The following NCAM2 variants were observed in gnomAD, a reference collection of about 807,000 sequenced individuals.
NCAM2 encodes the protein neural cell adhesion molecule 2.
In NCAM2, 30 loss-of-function variants were observed where a neutral mutation model predicts 98.1. That is an observed-to-expected ratio of 0.31 (90% CI 0.23 to 0.41). The LOEUF is 0.41. Among genes scored for constraint, NCAM2 ranks in the 10% least tolerant of loss-of-function variants. NCAM2 has a pLI of 1.00. For synonymous variants in NCAM2, 368 were observed against 342.4 expected (o/e 1.07, Z -0.83); for missense variants, 867 against 1,005.8 (o/e 0.86, Z 1.87).
chr21:21,109,482 G>T (rs2066412815), intron 1 of NCAM2, among the ~76,000 whole-genome samples: 1 of 151,968 alleles, frequency 6.6e-6, no homozygotes, highest in Non-Finnish European at 1.5e-5. Context: ...GTGGCAAATT[G>T]CAATAGCTCT....
At chr21:21,210,665 G>A (rs1020943354) in intron 1 of NCAM2, 1 of 1,276,332 alleles carries the variant, frequency 7.8e-7, no homozygotes, top group Admixed American at 2.4e-5. Context: ...CTTGAAGAAG[G>A]GCAACCAGAG....
At chr21:21,411,632 G>T (rs1040729189) in intron 10 of NCAM2, among the ~76,000 whole-genome samples, 6 of 152,016 alleles carry the variant, frequency 3.9e-5, no homozygotes, top group African/African-American at 1.4e-4. Context: ...TAGGAAAATT[G>T]GGAATCTTTT....
At chr21:21,400,783 C>T (rs531346758) in intron 9 of NCAM2, among the ~76,000 whole-genome samples, 1 of 152,004 alleles carries the variant, frequency 6.6e-6, no homozygotes, top group Non-Finnish European at 1.5e-5. Context: ...ATGTAGTAAA[C>T]TACACCAGAG....
intron 12 of NCAM2, among the ~76,000 whole-genome samples, chr21:21,448,103 A>G (rs1980465065): frequency 6.6e-6 from 1 of 152,160 alleles, no homozygotes. Context: ...ACGTATGTTT[A>G]TTGCAGCACT....
intron 1 of NCAM2, among the ~76,000 whole-genome samples, chr21:21,280,147 G>A (rs1449858486): frequency 7.0e-6 from 1 of 143,552 alleles, no homozygotes; most frequent in African/African-American, 2.6e-5. Context: ...TTTTTAGTAG[G>A]TGTCTACATG....
At chr21:21,449,295 A>G (rs1980660390) in intron 12 of NCAM2, among the ~76,000 whole-genome samples, 1 of 152,006 alleles carries the variant, frequency 6.6e-6, no homozygotes, top group Non-Finnish European at 1.5e-5. Context: ...GAAAACAAAT[A>G]TGAATATTTC....
At chr21:21,481,264 T>C (rs540501835) in intron 15 of NCAM2, among the ~76,000 whole-genome samples, 1 of 152,306 alleles carries the variant, frequency 6.6e-6, no homozygotes, top group South Asian at 2.1e-4. Context: ...ACTATCATAT[T>C]ATACTAGAAG....
intron 9 of NCAM2, among the ~76,000 whole-genome samples, chr21:21,389,443 T>C (rs1477037333): frequency 1.3e-5 from 2 of 152,206 alleles, no homozygotes; most frequent in African/African-American, 4.8e-5. Flanking sequence ...ATTGGGAACA[T>C]TCTAAGTCTT....
chr21:21,074,699 G>A (rs8127258), intron 1 of NCAM2, among the ~76,000 whole-genome samples: 5,641 of 152,016 alleles, frequency 0.037, 330 homozygotes, highest in African/African-American at 0.13. Flanking sequence ...AATTAGATGG[G>A]TCAAGCTAAC....
chr21:21,191,396 G>A (rs1437942961), intron 1 of NCAM2, among the ~76,000 whole-genome samples: 1 of 152,048 alleles, frequency 6.6e-6, no homozygotes, highest in Non-Finnish European at 1.5e-5. Context: ...CAAGCATGTA[G>A]CAATGATTTC....
At chr21:21,317,006 T>C (rs2074243669) in intron 5 of NCAM2, among the ~76,000 whole-genome samples, 1 of 152,188 alleles carries the variant, frequency 6.6e-6, no homozygotes, top group South Asian at 2.1e-4. Flanking sequence ...ATCAGCCTGC[T>C]TTGGAAACTG....
rs140053871 is a variant in NCAM2 at position 21,535,066 on chromosome 21, C to T, written c.2402+410C>T. ...TATAAATGTCATTGAAATATACGCA[C>T]GGCTATTTTAAAAAGAAATATTTGT... On this transcript the variant is annotated intron_variant, in intron 17 of 17. Coordinates refer to ENST00000400546, the MANE Select transcript of NCAM2 (RefSeq NM_004540.5). Among the ~76,000 whole-genome samples the T allele has an allele frequency of 2.0e-3, 297 of 152,080 alleles. 2 individuals are homozygous for T. The highest frequency in any genetic ancestry group is 0.016 in the East Asian group (81 of 5,176).
chr21:21,022,470 G>T (rs929809615), intron 1 of NCAM2, among the ~76,000 whole-genome samples: 2 of 151,892 alleles, frequency 1.3e-5, no homozygotes, highest in Non-Finnish European at 2.9e-5. Flanking sequence ...TTCTATAGTA[G>T]AATTGATTTC....
intron 1 of NCAM2, among the ~76,000 whole-genome samples, chr21:21,192,260 A>G (rs572337092): frequency 6.6e-6 from 1 of 151,776 alleles, no homozygotes; most frequent in Non-Finnish European, 1.5e-5. Context: ...CTAAAAAAAA[A>G]CCCGATGAGA....
intron 1 of NCAM2, among the ~76,000 whole-genome samples, chr21:21,225,463 A>C (rs550754359): frequency 1.8e-4 from 28 of 152,178 alleles, no homozygotes; most frequent in Admixed American, 7.2e-4. Context: ...AAGGTGATGA[A>C]ATTTACATAT....
chr21:21,341,903 A>G (rs553827385), intron 8 of NCAM2, among the ~76,000 whole-genome samples: 61 of 152,278 alleles, frequency 4.0e-4, no homozygotes, highest in Admixed American at 2.9e-3. Context: ...ATGCTAAGAT[A>G]ACCTTGACTG....
At chr21:21,370,322 T>A (rs761410221) in intron 8 of NCAM2, among the ~76,000 whole-genome samples, 19 of 151,872 alleles carry the variant, frequency 1.3e-4, no homozygotes, top group Non-Finnish European at 2.5e-4. Flanking sequence ...TATGTAAAAG[T>A]AAACGTGCTA....
chr21:21,322,012 A>G (rs1048258189), intron 5 of NCAM2, among the ~76,000 whole-genome samples: 2 of 152,176 alleles, frequency 1.3e-5, no homozygotes, highest in African/African-American at 4.8e-5. Flanking sequence ...CACTCGTACG[A>G]TTATCACAGT....
chr21:21,212,037 C>A (rs1190845951), intron 1 of NCAM2, among the ~76,000 whole-genome samples: 1 of 152,086 alleles, frequency 6.6e-6, no homozygotes, highest in Non-Finnish European at 1.5e-5. Context: ...CCCATATAAC[C>A]CAACGATTTC....
Sources: gnomAD v4.1 joint callset for allele counts (sites outside exome capture counted in the v4.1 genomes callset) on GRCh38, gnomAD v4.1.1 for gene constraint, MANE v1.5 for transcripts, NCBI Gene and HGNC (gene_info 2026-07-23, HGNC 2026-07-21) for gene names.